GAREM1: variants seen among roughly 807,000 people sequenced by gnomAD.
GAREM1 encodes the protein GRB2 associated regulator of MAPK1 subtype 1.
A neutral mutation model predicts 71.3 loss-of-function variants in GAREM1; 26 were observed. The ratio of observed to expected loss-of-function variants is 0.36; its 90% CI spans 0.27 to 0.51. The LOEUF (loss-of-function observed/expected upper bound fraction) is 0.51. Ranked by LOEUF, GAREM1 falls within the 20% of genes least tolerant of loss-of-function variation. GAREM1 has a pLI of 0.95. For synonymous variants in GAREM1, 440 were observed against 433.2 expected, an observed-to-expected ratio of 1.02 and a Z score of -0.20; for missense variants, 1,026 against 1,103.1, an observed-to-expected ratio of 0.93 and a Z score of 0.99.
intron 1 of GAREM1, among the ~76,000 whole-genome samples, chr18:32,401,316 A>G (rs977600228): frequency 1.3e-5 from 2 of 152,148 alleles, no homozygotes; most frequent in Non-Finnish European, 2.9e-5. Context: ...CCTAGAACTT[A>G]AAGTATAAAA....
chr18:32,327,725 A>AC (rs1453165535), intron 2 of GAREM1, among the ~76,000 whole-genome samples: 1 of 152,248 alleles, frequency 6.6e-6, no homozygotes, highest in East Asian at 1.9e-4. Flanking sequence ...ATTTAGTGAG[A>AC]CATCACTTAG....
intron 4 of GAREM1, among the ~76,000 whole-genome samples, chr18:32,272,911 C>T (rs2041483701): frequency 6.6e-6 from 1 of 152,220 alleles, no homozygotes; most frequent in Non-Finnish European, 1.5e-5. Context: ...GAGAACCAAC[C>T]AGGATGCCGG....
At chr18:32,468,137 G>C (rs1419411770) in intron 1 of GAREM1, among the ~76,000 whole-genome samples, 3 of 152,128 alleles carry the variant, frequency 2.0e-5, no homozygotes, top group African/African-American at 7.2e-5. Context: ...GTGTATCAAG[G>C]ATTTTAATAG....
intron 2 of GAREM1, among the ~76,000 whole-genome samples, chr18:32,364,012 A>C (rs1567980625): frequency 1.9e-5 from 1 of 51,466 alleles, no homozygotes; most frequent in African/African-American, 1.1e-4. Context: ...ATATATATAT[A>C]TATATATATA....
In GAREM1 at chr18:32,339,968, G is replaced by C. The variant is rs16963138; in HGVS notation, c.263-29645C>G. 4.4e-3 allele frequency among the ~76,000 whole-genome samples: 673 copies of C among 152,228 alleles called. 2 individuals are homozygous for C. Among genetic ancestry groups the C allele is most frequent in the African/African-American group, 0.016 (653 of 41,528 alleles). ...GGTGCTGGAGTGACCACTCTAAAAT[G>C]CTATCTAATCCTATAATCATGGCCT... is the stretch of plus-strand genomic sequence containing the variant. On this transcript the variant is annotated intron_variant, in intron 2 of 5. Coordinates refer to ENST00000269209, the MANE Select transcript of GAREM1 (RefSeq NM_001242409.2).
Position 32,287,363 on chromosome 18 carries a change from C to T in GAREM1, c.1234G>A (p.Asp412Asn), listed in dbSNP as rs2047032633. 1 of 1,614,230 alleles carries T rather than the reference C, an allele frequency of 6.2e-7. No homozygotes were observed. The highest frequency in any genetic ancestry group is 8.5e-7 in the Non-Finnish European group (1 of 1,180,042). Residue 412 changes from aspartate to asparagine, a missense_variant, in exon 4 of 6, where the codon GAT (aspartate) becomes AAT (asparagine). Asp to Asn is a conservative substitution (Grantham distance 23). Transcript: ENST00000269209. The surrounding 1 kb of genome is among the most constrained non-coding windows in gnomAD (Gnocchi z 5.9). Reference protein sequence around the residue: ...NLHGCRDLGGDWAPFPHDILP... With the variant: ...NLHGCRDLGGNWAPFPHDILP... ...ATGTCATGAGGAAAGGGAGCCCAAT[C>T]TCCCCCCAGGTCCCTGCAACCATGA...
chr18:32,451,727 C>T (rs1441999870), intron 1 of GAREM1, among the ~76,000 whole-genome samples: 1 of 152,118 alleles, frequency 6.6e-6, no homozygotes, highest in Non-Finnish European at 1.5e-5. Context: ...ACCAGAATAA[C>T]CCTTGTTAAA....
chr18:32,465,172 T>C (rs2048987768), intron 1 of GAREM1, among the ~76,000 whole-genome samples: 1 of 151,920 alleles, frequency 6.6e-6, no homozygotes, highest in East Asian at 1.9e-4. Context: ...AAATACAGAA[T>C]GCCAGGAGAA....
intron 2 of GAREM1, among the ~76,000 whole-genome samples, chr18:32,316,134 C>CT (rs1478102330): frequency 6.6e-6 from 1 of 152,104 alleles, no homozygotes; most frequent in Non-Finnish European, 1.5e-5. Flanking sequence ...ATCACATATA[C>CT]ATGGGAGCAT....
intron 5 of GAREM1, 84 bp downstream of exon 5, chr18:32,270,133 G>C: frequency 7.3e-7 from 1 of 1,374,684 alleles, no homozygotes; most frequent in Non-Finnish European, 1.0e-6. Flanking sequence ...TGCCTGTTAG[G>C]GCTACCGTGA....
chr18:32,328,208 C>T (rs1362557497), intron 2 of GAREM1, among the ~76,000 whole-genome samples: 1 of 152,178 alleles, frequency 6.6e-6, no homozygotes, highest in African/African-American at 2.4e-5. Flanking sequence ...CTTTCATTTA[C>T]ATACAGATTT....
chr18:32,453,983 G>A (rs2048865561), intron 1 of GAREM1, among the ~76,000 whole-genome samples: 1 of 151,910 alleles, frequency 6.6e-6, no homozygotes, highest in Non-Finnish European at 1.5e-5. Flanking sequence ...TAGGGGGGTG[G>A]GGTGAGTATG....
chr18:32,334,141 GATACTT>G (rs2047565532), intron 2 of GAREM1, among the ~76,000 whole-genome samples: 1 of 152,180 alleles, frequency 6.6e-6, no homozygotes, highest in Admixed American at 6.5e-5. Context: ...AACCCAGCCA[GATACTT>G]CAATTCCCAA....
rs905775248 is a variant in GAREM1, at chr18:32,287,005, C to T, written c.1566+26G>A. 1.4e-5 allele frequency: 21 copies of T among 1,509,266 alleles called. No homozygotes were observed. Among genetic ancestry groups the T allele is most frequent in the African/African-American group, 9.7e-5 (7 of 72,386 alleles). The allele number at this position is 1,509,266 out of a possible 1,614,324, so 93.5% of individuals were successfully genotyped here. ...AGCAGAGAGACAGAAAGACTGGCAC[C>T]GCATTCAAAAACAGAAATGACTTAC... is the stretch of plus-strand genomic sequence containing the variant. On this transcript the variant is annotated intron_variant, in intron 4 of 5. Transcript: ENST00000269209. The surrounding 1 kb of genome is among the most constrained non-coding windows in gnomAD (Gnocchi z 5.9).
chr18:32,457,224 A>AGAGT (rs1232367814), intron 1 of GAREM1, among the ~76,000 whole-genome samples: 43 of 107,360 alleles, frequency 4.0e-4, no homozygotes, highest in Non-Finnish European at 7.3e-4. Context: ...AGAGAGAGAG[A>AGAGT]GAGTGTGTGT....
At chr18:32,282,874 T>C (rs991117538) in intron 4 of GAREM1, among the ~76,000 whole-genome samples, 4 of 152,218 alleles carry the variant, frequency 2.6e-5, no homozygotes, top group Admixed American at 1.3e-4. Flanking sequence ...CTCTTGAAGA[T>C]TGCCTTTTGT....
intron 2 of GAREM1, among the ~76,000 whole-genome samples, chr18:32,321,585 A>G (rs531344076): frequency 2.9e-4 from 44 of 152,302 alleles, no homozygotes; most frequent in African/African-American, 9.9e-4. Flanking sequence ...CAAAAATCTC[A>G]ATATCAAAAT....
chr18:32,298,951 A>G (rs193210535), intron 3 of GAREM1, among the ~76,000 whole-genome samples: 6 of 151,484 alleles, frequency 4.0e-5, no homozygotes, highest in Non-Finnish European at 7.4e-5. Context: ...ATATATATAT[A>G]TTTTTTTTAA....
intron 1 of GAREM1, among the ~76,000 whole-genome samples, chr18:32,452,759 T>C (rs542648235): frequency 1.1e-4 from 17 of 152,206 alleles, no homozygotes; most frequent in African/African-American, 4.1e-4. Flanking sequence ...CCACATACCA[T>C]ACTCCCACTT....
Sources: gnomAD v4.1 joint callset for allele counts (sites outside exome capture counted in the v4.1 genomes callset) on GRCh38, gnomAD v4.1.1 for gene constraint, Gnocchi (gnomAD v3.1) non-coding constraint, MANE v1.5 for transcripts, NCBI Gene and HGNC (gene_info 2026-07-23, HGNC 2026-07-21) for gene names.